The following DNAJB1 variants were observed in gnomAD, a reference collection of about 807,000 sequenced individuals.
DNAJB1 encodes the protein DnaJ heat shock protein family (Hsp40) member B1.
DNAJB1 carries 14 observed loss-of-function variants against 24.0 expected under a neutral mutation model. That is an observed-to-expected ratio of 0.58 (90% CI 0.39 to 0.91). The LOEUF (loss-of-function observed/expected upper bound fraction) is 0.91. Among genes scored for constraint, DNAJB1 ranks in the 40% least tolerant of loss-of-function variants. The pLI is 0.00. For missense variants in DNAJB1, 517 were observed against 458.1 expected, an observed-to-expected ratio of 1.13 and a Z score of -1.17; for synonymous variants, 262 against 174.4, an observed-to-expected ratio of 1.50 and a Z score of -3.96.
At chr19:14,522,699 C>CAG, upstream of DNAJB1, among the ~76,000 whole-genome samples, 1 of 151,002 alleles carries the variant, frequency 6.6e-6, no homozygotes, top group Non-Finnish European at 1.5e-5. Flanking sequence ...CACACACACA[C>CAG]ACACACACAC....
intron 2 of DNAJB1, among the ~76,000 whole-genome samples, chr19:14,525,489 G>C (rs2072409973): frequency 6.6e-6 from 1 of 152,052 alleles, no homozygotes; most frequent in African/African-American, 2.4e-5. Context: ...CTATAAAAAG[G>C]AATGAGCTAC....
chr19:14,530,468 T>A (rs1217643135), upstream of DNAJB1: 1 of 152,226 alleles, frequency 6.6e-6, no homozygotes, highest in East Asian at 1.9e-4. Flanking sequence ...TAAGTAACTA[T>A]CATCAAATAA....
In DNAJB1 at chr19:14,524,419, A is replaced by C. The variant is rs562551351; in HGVS notation, c.-90+3307T>G. 3.4e-4 allele frequency among the ~76,000 whole-genome samples: 51 copies of C among 152,048 alleles called. 1 individual carries two copies. The highest frequency in any genetic ancestry group is 4.6e-4 in the Non-Finnish European group (31 of 68,008). ...TGGTGGCACGTGCCAGCTACTTGGG[A>C]GGCTGAGGTGGGAGGATCACTTGAG... On this transcript the variant is annotated intron_variant, in intron 2 of 3. Coordinates refer to the DNAJB1 transcript ENST00000396969.
At chr19:14,518,934 A>G (rs1186319817), upstream of DNAJB1, among the ~76,000 whole-genome samples, 1 of 152,228 alleles carries the variant, frequency 6.6e-6, no homozygotes, top group African/African-American at 2.4e-5. Context: ...ACAACATGGC[A>G]ATAAGAGAAC....
At chr19:14,552,726 CG>C (rs1424025140), upstream of DNAJB1, among the ~76,000 whole-genome samples, 2 of 151,828 alleles carry the variant, frequency 1.3e-5, no homozygotes, top group African/African-American at 4.8e-5. Context: ...TTAGTAGAGA[CG>C]GGGTTTCACT....
At chr19:14,553,684 G>A (rs1032253350), upstream of DNAJB1, among the ~76,000 whole-genome samples, 27 of 152,282 alleles carry the variant, frequency 1.8e-4, no homozygotes, top group African/African-American at 6.5e-4. Context: ...TGAATGTGCC[G>A]GAGTCTCTGC....
At chr19:14,529,788 C>T, upstream of DNAJB1, 2 of 1,599,434 alleles carry the variant, frequency 1.3e-6, no homozygotes, top group Non-Finnish European at 1.7e-6. Flanking sequence ...CACGGGACCC[C>T]ACTTTCTGGT....
intron 1 of DNAJB1, among the ~76,000 whole-genome samples, chr19:14,543,198 AC>A (rs1469361949): frequency 1.4e-4 from 20 of 145,062 alleles, no homozygotes; most frequent in Admixed American, 1.3e-3. Context: ...TTCCCCAGAC[AC>A]CTCAAGTGTC....
chr19:14,544,994 C>T (rs2073250687), intron 1 of DNAJB1: 2 of 425,980 alleles, frequency 4.7e-6, no homozygotes, highest in Non-Finnish European at 9.5e-6. Context: ...CTTTTCACTC[C>T]TTCCCTTCTC....
intron 1 of DNAJB1, among the ~76,000 whole-genome samples, chr19:14,543,408 T>TA (rs2073178509): frequency 1.9e-4 from 2 of 10,310 alleles, no homozygotes; most frequent in African/African-American, 3.1e-4. Context: ...TATATATATA[T>TA]ATATATATAT....
chr19:14,552,878 T>C (rs1368309684), upstream of DNAJB1, among the ~76,000 whole-genome samples: 3 of 151,980 alleles, frequency 2.0e-5, no homozygotes, highest in African/African-American at 4.8e-5. Context: ...TGGGTGGCAG[T>C]CTCAGCATAG....
chr19:14,555,439 T>A (rs12973140), intron 1 of DNAJB1, among the ~76,000 whole-genome samples: 2 of 98,238 alleles, frequency 2.0e-5, no homozygotes, highest in East Asian at 2.9e-4. Context: ...TTATTTATTC[T>A]TTTTTTTTTT....
upstream of DNAJB1, among the ~76,000 whole-genome samples, chr19:14,522,683 GACACACACACACACACACACACACAC>G (rs56121204): frequency 1.7e-5 from 2 of 117,870 alleles, no homozygotes; most frequent in Non-Finnish European, 3.5e-5. Context: ...CACACACACA[GACACACACACACACACACACACACAC>G]ACACACACAC....
At chr19:14,548,376 A>G (rs555213355) in intron 1 of DNAJB1, among the ~76,000 whole-genome samples, 26 of 152,200 alleles carry the variant, frequency 1.7e-4, no homozygotes, top group Middle Eastern at 6.8e-3. Context: ...CCCAGGCCCT[A>G]AGCTGTTTGA....
chr19:14,518,748 C>T (rs1481756028), upstream of DNAJB1, among the ~76,000 whole-genome samples: 1 of 152,236 alleles, frequency 6.6e-6, no homozygotes, highest in Non-Finnish European at 1.5e-5. Context: ...GGTCGGGACC[C>T]ACAGCGAACT....
chr19:14,552,595 G>A (rs1022697023), upstream of DNAJB1, among the ~76,000 whole-genome samples: 1 of 151,430 alleles, frequency 6.6e-6, no homozygotes, highest in Non-Finnish European at 1.5e-5. Context: ...GTGCAGTGGC[G>A]CAATCTCTGG....
intron 1 of DNAJB1, among the ~76,000 whole-genome samples, chr19:14,536,171 A>G (rs1044382068): frequency 6.6e-6 from 1 of 151,956 alleles, no homozygotes; most frequent in African/African-American, 2.4e-5. Context: ...GAAGGTGGCA[A>G]TGCTTACGGG....
upstream of DNAJB1, among the ~76,000 whole-genome samples, chr19:14,520,057 T>C (rs1037175570): frequency 6.6e-6 from 1 of 152,162 alleles, no homozygotes; most frequent in Non-Finnish European, 1.5e-5. Flanking sequence ...TTGGGTTAGT[T>C]ACTAGGCCTT....
chr19:14,527,879 A>T (rs1175479699), intron 1 of DNAJB1: 2 of 152,190 alleles, frequency 1.3e-5, no homozygotes, highest in African/African-American at 4.8e-5. Context: ...TGTCTGTCAA[A>T]AGTCTTTTCT....
Sources: gnomAD v4.1 joint callset for allele counts (sites outside exome capture counted in the v4.1 genomes callset) on GRCh38, gnomAD v4.1.1 for gene constraint, MANE v1.5 for transcripts, NCBI Gene and HGNC (gene_info 2026-07-23, HGNC 2026-07-21) for gene names.